The following GSK3B variants were observed in gnomAD, a reference collection of about 807,000 sequenced individuals.
The protein encoded by GSK3B is glycogen synthase kinase-3 beta.
In GSK3B, 15 loss-of-function variants were observed where a neutral mutation model predicts 56.4. The observed-to-expected ratio is 0.27, with a 90% CI of 0.18 to 0.41. GSK3B has a LOEUF of 0.41. GSK3B is among the 10% of genes least tolerant of loss of function. The pLI, the probability that GSK3B is intolerant of heterozygous loss-of-function variation, is 1.00. For synonymous variants in GSK3B, 181 were observed against 188.9 expected, an observed-to-expected ratio of 0.96 and a Z score of 0.34; for missense variants, 300 against 513.4, an observed-to-expected ratio of 0.58 and a Z score of 4.02.
chr3:120,048,831 C>A (rs1403760608), intron 1 of GSK3B, among the ~76,000 whole-genome samples: 1 of 152,162 alleles, frequency 6.6e-6, no homozygotes, highest in Admixed American at 6.5e-5. Flanking sequence ...TATGACTCTG[C>A]CCTATGTTAA....
intron 3 of GSK3B, among the ~76,000 whole-genome samples, chr3:119,930,706 A>C (rs757165798): frequency 2.0e-5 from 3 of 152,230 alleles, no homozygotes; most frequent in Non-Finnish European, 4.4e-5. Flanking sequence ...AAATTAAAGA[A>C]GTGTAATTGA....
intron 3 of GSK3B, 99 bp from the exon 4 acceptor site, chr3:119,923,582 G>A (rs1318546251): frequency 2.8e-5 from 14 of 503,990 alleles, no homozygotes; most frequent in African/African-American, 5.9e-5. Context: ...TTACTTATTC[G>A]GATTTTTAAA....
chr3:119,874,114 A>T (rs557351304), intron 8 of GSK3B, among the ~76,000 whole-genome samples: 28 of 152,178 alleles, frequency 1.8e-4, no homozygotes, highest in Non-Finnish European at 3.4e-4. Flanking sequence ...TTTTAATTAT[A>T]ATCAACCATT....
At position 119,896,488 on chromosome 3, in the gene GSK3B, C is replaced by CT. The variant is rs1553729724; in HGVS notation, c.813+9266dup. 5.3e-5 allele frequency among the ~76,000 whole-genome samples: 8 copies of CT among 152,158 alleles called. No individual in the cohort carries two copies. The East Asian group carries it at 1.5e-3, about 29-fold the overall frequency. ...TACTTTCCTTCGAGAATCACTAACA[C>CT]TATAGTTCTTTGTAGCATCACAAGC... On this transcript the variant is annotated intron_variant, in intron 7 of 10. Coordinates refer to ENST00000264235, the MANE Select transcript of GSK3B (RefSeq NM_001146156.2).
intron 3 of GSK3B, among the ~76,000 whole-genome samples, chr3:119,934,201 A>G (rs1231796878): frequency 6.6e-6 from 1 of 152,112 alleles, no homozygotes; most frequent in Non-Finnish European, 1.5e-5. Flanking sequence ...GAGTGGGGAA[A>G]AGAGTAATTT....
intron 4 of GSK3B, among the ~76,000 whole-genome samples, chr3:119,917,867 G>C (rs2056797221): frequency 6.6e-6 from 1 of 152,022 alleles, no homozygotes. Context: ...TAAGAAAGCT[G>C]AGAGGCTTTC....
chr3:120,038,525 CA>C (rs1342345793), intron 1 of GSK3B, among the ~76,000 whole-genome samples: 1 of 151,628 alleles, frequency 6.6e-6, no homozygotes, highest in Non-Finnish European at 1.5e-5. Flanking sequence ...GACTCTGTCT[CA>C]AAAAAACATG....
intron 1 of GSK3B, among the ~76,000 whole-genome samples, chr3:120,062,563 T>C (rs2058246674): frequency 6.6e-6 from 1 of 152,226 alleles, no homozygotes; most frequent in Non-Finnish European, 1.5e-5. Flanking sequence ...TATGATATAC[T>C]GACAAGTGAA....
At chr3:119,920,938 G>A (rs777286848) in intron 4 of GSK3B, among the ~76,000 whole-genome samples, 13 of 152,118 alleles carry the variant, frequency 8.5e-5, no homozygotes, top group African/African-American at 2.2e-4. Context: ...AACCAATCCC[G>A]TGACAATTAG....
intron 7 of GSK3B, among the ~76,000 whole-genome samples, chr3:119,887,109 T>A (rs2056445364): frequency 6.6e-6 from 1 of 152,142 alleles, no homozygotes; most frequent in East Asian, 1.9e-4. Flanking sequence ...AAGATAAAAT[T>A]GAGTATAAAA....
chr3:119,870,961 A>T (rs1351323422), intron 8 of GSK3B, among the ~76,000 whole-genome samples: 1 of 151,420 alleles, frequency 6.6e-6, no homozygotes, highest in Non-Finnish European at 1.5e-5. Flanking sequence ...GATGTGAAAG[A>T]AAACTTTGGC....
chr3:120,068,393 A>C (rs2058298255), intron 1 of GSK3B, among the ~76,000 whole-genome samples: 1 of 143,444 alleles, frequency 7.0e-6, no homozygotes, highest in African/African-American at 2.6e-5. Flanking sequence ...TCCGTCTCAA[A>C]AAAAAAAAAA....
intron 6 of GSK3B, among the ~76,000 whole-genome samples, 170 bp downstream of exon 6, chr3:119,912,534 A>G (rs1450203045): frequency 6.6e-6 from 1 of 152,106 alleles, no homozygotes; most frequent in Non-Finnish European, 1.5e-5. Context: ...TGGAAAGTAT[A>G]ATAAAATGAG....
At chr3:120,063,983 T>A (rs2058259244) in intron 1 of GSK3B, among the ~76,000 whole-genome samples, 1 of 151,860 alleles carries the variant, frequency 6.6e-6, no homozygotes, top group African/African-American at 2.4e-5. Context: ...TGAGACTCTG[T>A]CTCAAAAAAA....
At chr3:119,928,938 A>AT (rs1221403105) in intron 3 of GSK3B, among the ~76,000 whole-genome samples, 1 of 152,232 alleles carries the variant, frequency 6.6e-6, no homozygotes, top group Non-Finnish European at 1.5e-5. Flanking sequence ...CTAACACACA[A>AT]TAAAGACTCG....
At chr3:119,990,371 G>A (rs980583418) in intron 2 of GSK3B, among the ~76,000 whole-genome samples, 11 of 152,102 alleles carry the variant, frequency 7.2e-5, no homozygotes, top group Non-Finnish European at 1.2e-4. Context: ...AAGAGAAAGC[G>A]CTCCTGATCA....
At chr3:120,087,717 T>G (rs761661592) in intron 1 of GSK3B, among the ~76,000 whole-genome samples, 1 of 152,136 alleles carries the variant, frequency 6.6e-6, no homozygotes, top group Non-Finnish European at 1.5e-5. Context: ...CATCATTACT[T>G]CAAGTGATCA....
intron 6 of GSK3B, among the ~76,000 whole-genome samples, chr3:119,910,465 A>T (rs2056724649): frequency 6.6e-6 from 1 of 151,824 alleles, no homozygotes; most frequent in Admixed American, 6.5e-5. Context: ...TAACTTAAAC[A>T]CACTTTATTA....
chr3:120,064,959 T>C (rs1236659542), intron 1 of GSK3B, among the ~76,000 whole-genome samples: 2 of 152,200 alleles, frequency 1.3e-5, no homozygotes, highest in Non-Finnish European at 2.9e-5. Context: ...CCTTACTCCA[T>C]ATACTAAAAT....
Sources: gnomAD v4.1 joint callset for allele counts (sites outside exome capture counted in the v4.1 genomes callset) on GRCh38, gnomAD v4.1.1 for gene constraint, MANE v1.5 for transcripts, NCBI Gene and HGNC (gene_info 2026-07-23, HGNC 2026-07-21) for gene names.